Variants in SUPV3L1 observed in about 807,000 individuals in gnomAD.
SUPV3L1 encodes Suv3 like RNA helicase, also known as ATP-dependent RNA helicase SUPV3L1, mitochondrial.
Under a neutral mutation model 70.0 loss-of-function variants are expected in SUPV3L1, and 35 were observed. That is an observed-to-expected ratio of 0.50 (90% CI 0.38 to 0.66). The LOEUF (loss-of-function observed/expected upper bound fraction) is 0.66, where lower values mean the gene tolerates loss of function less well. SUPV3L1 is among the 30% of genes least tolerant of loss of function. The pLI is 0.00. For missense variants in SUPV3L1, 777 were observed against 961.5 expected (o/e 0.81, Z 2.54); for synonymous variants, 364 against 341.9 (o/e 1.06, Z -0.71).
chr10:69,182,705 A>C (rs1842098335), intron 1 of SUPV3L1: 1 of 984,578 alleles, frequency 1.0e-6, no homozygotes, highest in South Asian at 4.7e-5. Flanking sequence ...TGAATTTACT[A>C]GAATGATTTT....
At chr10:69,205,890 T>C (rs1416082390) in intron 13 of SUPV3L1, among the ~76,000 whole-genome samples, 1 of 152,186 alleles carries the variant, frequency 6.6e-6, no homozygotes, top group Non-Finnish European at 1.5e-5. Flanking sequence ...GCTTTTCCTT[T>C]TTTCCTGATC....
rs1043269072 is a variant in SUPV3L1, at chr10:69,202,302, T to C, written c.1519-137T>C. On this transcript the variant is annotated intron_variant, in intron 11 of 14. Transcript: ENST00000359655. ...TGGTAAAATGATATTTTTTCTCTTTTACTCAAATTCTTGGCATTTACTTCA... is the reference window on the plus strand; with the variant it reads ...TGGTAAAATGATATTTTTTCTCTTTCACTCAAATTCTTGGCATTTACTTCA... The C allele has an allele frequency of 6.5e-5, 38 of 582,488 alleles. No homozygotes were observed. In the East Asian group the frequency reaches 1.1e-3, roughly 17 times the overall value. The allele number at this position is 582,488 out of a possible 1,614,324, so 36.1% of individuals were successfully genotyped here. A position where few individuals can be genotyped will look rare whatever the true frequency, so the allele number is the denominator to read the frequency against.
rs201283581 is a variant in SUPV3L1 at position 69,180,508 on chromosome 10, G to A, written c.217G>A (p.Gly73Ser). The A allele has an allele frequency of 2.1e-4, 339 of 1,614,122 alleles. No individual in the cohort carries two copies. The highest frequency in any genetic ancestry group is 2.7e-4 in the Non-Finnish European group (322 of 1,180,054). Residue 73 changes from glycine to serine, a missense_variant, in exon 1 of 15, where the codon GGC (glycine) becomes AGC (serine). Coordinates refer to ENST00000359655, the MANE Select transcript of SUPV3L1 (RefSeq NM_003171.5). Reference protein sequence around the residue: ...LFVPLTVKPQGPSADGDVGAE... With the variant: ...LFVPLTVKPQSPSADGDVGAE... ...CGTGCCCCTGACTGTGAAACCTCAGGGCCCCAGCGCCGACGGCGACGTCGG... is the reference window on the plus strand; with the variant it reads ...CGTGCCCCTGACTGTGAAACCTCAGAGCCCCAGCGCCGACGGCGACGTCGG...
At chr10:69,180,846 T>C (rs1455194987) in intron 1 of SUPV3L1, among the ~76,000 whole-genome samples, 1 of 152,196 alleles carries the variant, frequency 6.6e-6, no homozygotes, top group African/African-American at 2.4e-5. Flanking sequence ...TTTGACTTTT[T>C]TGAGTTGTTA....
intron 13 of SUPV3L1, among the ~76,000 whole-genome samples, chr10:69,203,619 G>A (rs1300815643): frequency 7.0e-6 from 1 of 141,944 alleles, no homozygotes; most frequent in African/African-American, 2.6e-5. Context: ...AGCCAAGATC[G>A]CACCATTGCA....
chr10:69,190,624 AC>A (rs1842366895), intron 5 of SUPV3L1, among the ~76,000 whole-genome samples: 1 of 152,366 alleles, frequency 6.6e-6, no homozygotes, highest in African/African-American at 2.4e-5. Context: ...TTGTCCAATT[AC>A]ACCCCATCCT....
chr10:69,194,082 T>G (rs917625744), intron 6 of SUPV3L1, among the ~76,000 whole-genome samples: 1 of 152,160 alleles, frequency 6.6e-6, no homozygotes, highest in African/African-American at 2.4e-5. Flanking sequence ...GAACTTGCCT[T>G]CTTCTTTTAC....
chr10:69,187,572 A>G, intron 3 of SUPV3L1, 70 bp from the exon 4 acceptor site: 6 of 1,171,410 alleles, frequency 5.1e-6, no homozygotes, highest in Non-Finnish European at 7.4e-6. Flanking sequence ...GTTAAGAAAA[A>G]AGATTTCACT....
At chr10:69,192,008 TGTTG>T (rs964339455) in intron 6 of SUPV3L1, 14 of 316,666 alleles carry the variant, frequency 4.4e-5, no homozygotes, top group African/African-American at 3.0e-4. Context: ...GGTTTCTCCA[TGTTG>T]GTCAGGCTGG....
At chr10:69,190,522 T>G (rs779096418) in intron 5 of SUPV3L1, among the ~76,000 whole-genome samples, 1 of 152,234 alleles carries the variant, frequency 6.6e-6, no homozygotes, top group Non-Finnish European at 1.5e-5. Flanking sequence ...AACAGACTTT[T>G]ACGTAACCAC....
chr10:69,200,490 T>C lies in SUPV3L1; in HGVS notation c.1509T>C (p.Asp503=), dbSNP rs750450213. The C allele has an allele frequency of 6.8e-6, 11 of 1,613,368 alleles. No individual in the cohort carries two copies. The highest frequency in any genetic ancestry group is 9.3e-6 in the Non-Finnish European group (11 of 1,179,424). Residue 503 remains aspartate (D), a synonymous_variant, in exon 11 of 15, where the codon GAT becomes GAC. Transcript: ENST00000359655. ...LLKEILKRPV[D]PIRAAGLHPT... ...AGGAAATTTTGAAGAGGCCTGTGGA[T>C]CCTATAAGGGTAAGAGGTAACATGT...
At chr10:69,202,667 A>T in intron 12 of SUPV3L1, 148 bp downstream of exon 12, 1 of 1,097,038 alleles carries the variant, frequency 9.1e-7, no homozygotes, top group South Asian at 1.7e-5. Flanking sequence ...TTTTTCTCAA[A>T]ATCTTTTGGG....
chr10:69,196,320 T>C (rs749066963), intron 7 of SUPV3L1, among the ~76,000 whole-genome samples: 18 of 152,040 alleles, frequency 1.2e-4, no homozygotes, highest in Non-Finnish European at 2.1e-4. Context: ...GGCGAAACCC[T>C]GTCTCTACTA....
intron 12 of SUPV3L1, 114 bp from the exon 13 acceptor site, chr10:69,202,753 A>T: frequency 8.4e-7 from 1 of 1,183,772 alleles, no homozygotes; most frequent in Non-Finnish European, 1.2e-6. Flanking sequence ...GCAAGCCTTT[A>T]TGGAAGTTTG....
chr10:69,198,494 T>G lies in SUPV3L1; in HGVS notation c.1146T>G (p.Ser382Arg). Reference sequence around the variant, plus strand: ...GCAAGAATGATATTTATTCTGTGAGTCGGCAGATTGAAATTCGGGGATTAG... The same window carrying G: ...GCAAGAATGATATTTATTCTGTGAGGCGGCAGATTGAAATTCGGGGATTAG... ...CFSKNDIYSVSRQIEIRGLES... is the reference protein window; with the variant it reads ...CFSKNDIYSVRRQIEIRGLES... The change falls in exon 9 of 15, where the codon AGT (serine) becomes AGG (arginine). Residue 382 changes from serine (S) to arginine (R), a missense_variant. Around this residue, in one of 2 missense-constraint regions of SUPV3L1, gnomAD observed 619 missense variants for 823.3 expected, o/e 0.75. Transcript: ENST00000359655. 1 of 1,614,098 alleles carries G rather than the reference T, an allele frequency of 6.2e-7. No individual in the cohort carries two copies. Among genetic ancestry groups the G allele is most frequent in the Non-Finnish European group, 8.5e-7 (1 of 1,180,004 alleles).
In SUPV3L1 at chr10:69,189,285, C is replaced by A. The variant is rs1842321710; in HGVS notation, c.591C>A (p.Ala197=). Residue 197 remains alanine (A), a synonymous_variant, in exon 5 of 15, where the codon GCC becomes GCA. Coordinates refer to ENST00000359655, the MANE Select transcript of SUPV3L1 (RefSeq NM_003171.5). ...IPPNWYPDAR[A]MQRKIIFHSG... is the part of the protein sequence containing the mutation. ...GTTTTAGGTACCCAGATGCTAGAGC[C>A]ATGCAGCGGAAGATAATATTTCATT... 6.2e-7 allele frequency: 1 copy of A among 1,613,588 alleles called. No individual in the cohort carries two copies. Among genetic ancestry groups the A allele is most frequent in the Non-Finnish European group, 8.5e-7 (1 of 1,179,798 alleles).
At position 69,191,841 on chromosome 10, in the gene SUPV3L1, C is replaced by G. The variant is rs963566770; in HGVS notation, c.853+75C>G. Reference sequence around the variant, plus strand: ...TTTTTTTTCAAGACAGAGTCTTGCTCTGTTGTCCAGGCTGGAATGCAATGG... The same window carrying G: ...TTTTTTTTCAAGACAGAGTCTTGCTGTGTTGTCCAGGCTGGAATGCAATGG... On this transcript the variant is annotated intron_variant, in intron 6 of 14. Coordinates refer to ENST00000359655, the MANE Select transcript of SUPV3L1 (RefSeq NM_003171.5). 8 of 1,127,988 alleles carry G rather than the reference C, an allele frequency of 7.1e-6. No homozygotes were observed. The Middle Eastern group carries it at 6.9e-4, about 97-fold the overall frequency. The allele number at this position is 1,127,988 out of a possible 1,614,324, so 69.9% of individuals were successfully genotyped here. A position where few individuals can be genotyped will look rare whatever the true frequency, so the allele number is the denominator to read the frequency against.
intron 7 of SUPV3L1, 117 bp from the exon 8 acceptor site, chr10:69,196,875 T>C: frequency 1.3e-6 from 1 of 778,560 alleles, no homozygotes; most frequent in Non-Finnish European, 2.1e-6. Flanking sequence ...TTTTTGAAAA[T>C]ACTTGGTAAG....
intron 1 of SUPV3L1, among the ~76,000 whole-genome samples, chr10:69,185,504 CTTTTTTT>C (rs35590294): frequency 7.2e-6 from 1 of 139,526 alleles, no homozygotes; most frequent in South Asian, 2.3e-4. Flanking sequence ...TCATTTTTCT[CTTTTTTT>C]TTTTTTTTGA....
Sources: gnomAD v4.1 joint callset for allele counts (sites outside exome capture counted in the v4.1 genomes callset) on GRCh38, gnomAD v4.1.1 for gene constraint, gnomAD v4.1.1 regional missense constraint, MANE v1.5 for transcripts, NCBI Gene and HGNC (gene_info 2026-07-23, HGNC 2026-07-21) for gene names.